The following SH3GL2 variants were observed in gnomAD, a reference collection of about 807,000 sequenced individuals.
The protein encoded by SH3GL2 is SH3 domain containing GRB2 like 2, endophilin A1.
In SH3GL2, 24 loss-of-function variants were observed where a neutral mutation model predicts 46.0. That is an observed-to-expected ratio of 0.52 (90% confidence interval 0.38 to 0.73). SH3GL2 has a LOEUF of 0.73. Among genes scored for constraint, SH3GL2 ranks in the 30% least tolerant of loss-of-function variants. The pLI, the probability that SH3GL2 is intolerant of heterozygous loss-of-function variation, is 0.00. For missense variants in SH3GL2, 413 were observed against 424.2 expected, an observed-to-expected ratio of 0.97 and a Z score of 0.23; for synonymous variants, 196 against 147.1, an observed-to-expected ratio of 1.33 and a Z score of -2.40.
chr9:17,676,439 C>G (rs10810823), intron 1 of SH3GL2, among the ~76,000 whole-genome samples: 56,854 of 151,802 alleles, frequency 0.37, 11,570 homozygotes, highest in Admixed American at 0.54. Context: ...AACCCTGTCT[C>G]TACTGAAAAT....
chr9:17,615,432 G>A lies in SH3GL2; in HGVS notation c.45+36145G>A, dbSNP rs189963829. On this transcript the variant is annotated intron_variant, in intron 1 of 8. Coordinates refer to ENST00000380607, the MANE Select transcript of SH3GL2 (RefSeq NM_003026.5). ...AGCACTTTGAGAGGCCGAGGTGGGC[G>A]GATCACGAGGCCGGGAGATTGAGAC... Among the ~76,000 whole-genome samples, 12 of 152,110 alleles carry A rather than the reference G, an allele frequency of 7.9e-5. No individual in the cohort carries two copies. In the East Asian group the frequency reaches 1.5e-3, roughly 20 times the overall value.
intron 3 of SH3GL2, among the ~76,000 whole-genome samples, chr9:17,782,308 CT>C (rs1823832878): frequency 6.6e-6 from 1 of 151,990 alleles, no homozygotes; most frequent in Non-Finnish European, 1.5e-5. Context: ...AAATAAGAGC[CT>C]TTTTTCTGAT....
At chr9:17,702,417 G>A (rs984274859) in intron 1 of SH3GL2, among the ~76,000 whole-genome samples, 2 of 151,422 alleles carry the variant, frequency 1.3e-5, no homozygotes, top group African/African-American at 2.4e-5. Flanking sequence ...TATATGTACC[G>A]ATATAAAGAG....
rs1818224199 is a variant in SH3GL2, at chr9:17,579,191, C to T, written c.-52C>T. ...GCCGCCCCGCTCGGCCCTCCAGTCC[C>T]CCTCCGCCTCCTCCCTCCCGCACAG... On this transcript the variant is annotated 5_prime_UTR_variant, in exon 1 of 9. Coordinates refer to ENST00000380607, the MANE Select transcript of SH3GL2 (RefSeq NM_003026.5). 3 of 1,407,460 alleles carry T rather than the reference C, an allele frequency of 2.1e-6. No individual in the cohort carries two copies. Among genetic ancestry groups the T allele is most frequent in the Non-Finnish European group, 2.9e-6 (3 of 1,041,936 alleles). The allele number at this position is 1,407,460 out of a possible 1,614,324, so 87.2% of individuals were successfully genotyped here. A position where few individuals can be genotyped will look rare whatever the true frequency, so the allele number is the denominator to read the frequency against.
At chr9:17,741,038 A>G (rs1196214944) in intron 1 of SH3GL2, among the ~76,000 whole-genome samples, 1 of 152,128 alleles carries the variant, frequency 6.6e-6, no homozygotes, top group African/African-American at 2.4e-5. Flanking sequence ...TGAATTGTCA[A>G]CGGTATTCTT....
In SH3GL2 at chr9:17,787,427, G is replaced by A; in HGVS notation, c.379G>A (p.Val127Ile). 1 of 1,612,862 alleles carries A rather than the reference G, an allele frequency of 6.2e-7. No individual in the cohort carries two copies. Among genetic ancestry groups the A allele is most frequent in the South Asian group, 1.1e-5 (1 of 91,062 alleles). Residue 127 changes from valine (V) to isoleucine (I), a missense_variant, in exon 5 of 9, where the codon GTC (valine) becomes ATC (isoleucine). Val to Ile is a conservative substitution (Grantham distance 29, BLOSUM62 3). Transcript: ENST00000380607. ...VGEAMRELSE[V>I]KDSLDIEVKQ... ...GGAGGCCATGCGGGAACTGTCGGAG[G>A]TCAAAGACTCTTTGGACATAGAAGT...
At chr9:17,664,881 G>A (rs1820304444) in intron 1 of SH3GL2, among the ~76,000 whole-genome samples, 1 of 149,926 alleles carries the variant, frequency 6.7e-6, no homozygotes, top group African/African-American at 2.5e-5. Context: ...AACCACAAGG[G>A]AATATTTACG....
chr9:17,648,802 G>T (rs1007174802), intron 1 of SH3GL2, among the ~76,000 whole-genome samples: 2 of 152,106 alleles, frequency 1.3e-5, no homozygotes, highest in Non-Finnish European at 2.9e-5. Flanking sequence ...GTTCATTCAG[G>T]TTGAAAATGA....
At chr9:17,660,783 T>C (rs1820193705) in intron 1 of SH3GL2, among the ~76,000 whole-genome samples, 1 of 152,142 alleles carries the variant, frequency 6.6e-6, no homozygotes, top group African/African-American at 2.4e-5. Flanking sequence ...TTCCATGGGG[T>C]GTTTGAATAA....
At chr9:17,770,402 GCTACAAAGTCTTAAA>G (rs1823439133) in intron 3 of SH3GL2, among the ~76,000 whole-genome samples, 1 of 152,164 alleles carries the variant, frequency 6.6e-6, no homozygotes, top group African/African-American at 2.4e-5. Context: ...AATGTCTTAT[GCTACAAAGTCTTAAA>G]CTACAAAGAT....
intron 1 of SH3GL2, among the ~76,000 whole-genome samples, chr9:17,678,649 G>C (rs1313969715): frequency 6.6e-6 from 1 of 152,142 alleles, no homozygotes; most frequent in Non-Finnish European, 1.5e-5. Flanking sequence ...GATCCCATTT[G>C]TCAATTTTGT....
At chr9:17,614,294 T>TAAAAA (rs1818935410) in intron 1 of SH3GL2, among the ~76,000 whole-genome samples, 1 of 11,220 alleles carries the variant, frequency 8.9e-5, no homozygotes, top group Non-Finnish European at 3.0e-4. Context: ...GCATGGTTTC[T>TAAAAA]GAAAAAAAAA....
chr9:17,678,019 A>C (rs1408130416), intron 1 of SH3GL2, among the ~76,000 whole-genome samples: 1 of 152,220 alleles, frequency 6.6e-6, no homozygotes, highest in Non-Finnish European at 1.5e-5. Context: ...TTCTTAATCC[A>C]GTCTATCATT....
intron 1 of SH3GL2, among the ~76,000 whole-genome samples, chr9:17,607,270 A>T (rs1181636942): frequency 6.6e-6 from 1 of 152,248 alleles, no homozygotes; most frequent in African/African-American, 2.4e-5. Flanking sequence ...GAACCTGTAC[A>T]GCATATTACC....
intron 1 of SH3GL2, among the ~76,000 whole-genome samples, chr9:17,660,018 T>A (rs1358622136): frequency 6.6e-6 from 1 of 152,204 alleles, no homozygotes; most frequent in Non-Finnish European, 1.5e-5. Context: ...TAAACAGGCT[T>A]GGATTATGAC....
At chr9:17,626,491 A>T (rs1018488369) in intron 1 of SH3GL2, among the ~76,000 whole-genome samples, 2 of 152,140 alleles carry the variant, frequency 1.3e-5, no homozygotes, top group African/African-American at 4.8e-5. Context: ...ATTTTCTTAA[A>T]ATCTTCATGC....
At chr9:17,628,411 G>GGGGT (rs1417185876) in intron 1 of SH3GL2, among the ~76,000 whole-genome samples, 4 of 143,666 alleles carry the variant, frequency 2.8e-5, no homozygotes, top group South Asian at 2.2e-4. Context: ...CTATATCTTG[G>GGGGT]GTGTGTGTGT....
chr9:17,767,592 G>A (rs1468735567), intron 3 of SH3GL2, among the ~76,000 whole-genome samples: 2 of 152,138 alleles, frequency 1.3e-5, no homozygotes, highest in South Asian at 2.1e-4. Context: ...GCATCTTTTA[G>A]AGTCCTTAGC....
At chr9:17,614,929 G>A (rs1004857120) in intron 1 of SH3GL2, among the ~76,000 whole-genome samples, 3 of 152,144 alleles carry the variant, frequency 2.0e-5, no homozygotes, top group African/African-American at 4.8e-5. Context: ...AAGGCTCCGC[G>A]ACAGCATTTC....
Sources: allele counts gnomAD v4.1 joint callset (sites outside exome capture counted in the v4.1 genomes callset), GRCh38; gene constraint gnomAD v4.1.1; transcripts MANE v1.5; gene names NCBI Gene and HGNC (gene_info 2026-07-23, HGNC 2026-07-21).